DHX40: variants seen among roughly 807,000 people sequenced by gnomAD.
The protein encoded by DHX40 is probable ATP-dependent RNA helicase DHX40.
Under a neutral mutation model 89.6 loss-of-function variants are expected in DHX40, and 28 were observed. The observed-to-expected ratio is 0.31, with a 90% confidence interval of 0.23 to 0.43. DHX40 has a LOEUF of 0.43. Ranked by LOEUF, DHX40 falls within the 20% of genes least tolerant of loss-of-function variation. The pLI is 1.00. For missense variants in DHX40, 457 were observed against 844.0 expected, an observed-to-expected ratio of 0.54 and a Z score of 5.68; for synonymous variants, 226 against 283.6, an observed-to-expected ratio of 0.80 and a Z score of 2.04.
At chr17:59,603,367 G>C (rs2030653596) in intron 15 of DHX40, 1 of 152,184 alleles carries the variant, frequency 6.6e-6, no homozygotes, top group African/African-American at 2.4e-5. Context: ...TAGACATAGT[G>C]CCCAGATCTT....
At position 59,573,913 on chromosome 17, in the gene DHX40, A is replaced by G; in HGVS notation, c.720A>G (p.Lys240=). The G allele has an allele frequency of 6.2e-7, 1 of 1,603,962 alleles. No homozygotes were observed. The highest frequency in any genetic ancestry group is 1.1e-5 in the South Asian group (1 of 90,544). ...IPGRLYPVRE[K]FCNLIGPRDR... The stretch of plus-strand genomic sequence containing the variant: ...GAAGGCTTTATCCAGTCAGAGAGAA[A>G]TTCTGCAATTTGATTGGTCCACGAG... Residue 240 remains lysine, a synonymous_variant, in exon 5 of 18, where the codon AAA becomes AAG. Coordinates refer to ENST00000251241, the MANE Select transcript of DHX40 (RefSeq NM_024612.5).
intron 2 of DHX40, among the ~76,000 whole-genome samples, chr17:59,569,329 A>AAAAT (rs5821271): frequency 0.013 from 1,946 of 146,986 alleles, 32 homozygotes; most frequent in East Asian, 0.048. Context: ...CTCTATCTCA[A>AAAAT]AAATAAATAA....
chr17:59,570,465 A>C (rs1270137175), intron 2 of DHX40, 53 bp from the exon 3 acceptor site: 1 of 1,536,044 alleles, frequency 6.5e-7, no homozygotes, highest in Non-Finnish European at 8.8e-7. Context: ...TTTAGCTCTA[A>C]TAGGAAGACA....
chr17:59,594,507 G>T (rs2049124331), intron 12 of DHX40, among the ~76,000 whole-genome samples: 1 of 151,672 alleles, frequency 6.6e-6, no homozygotes, highest in Non-Finnish European at 1.5e-5. Context: ...GAAGCTTGGG[G>T]TTGGGGAGTT....
At chr17:59,569,700 T>A (rs7212678) in intron 2 of DHX40, among the ~76,000 whole-genome samples, 24,564 of 139,252 alleles carry the variant, frequency 0.18, 3,171 homozygotes, top group East Asian at 0.46. Flanking sequence ...AAGAAAAAAA[T>A]ATATATATAT....
At chr17:59,602,658 T>C (rs1425087352) in intron 15 of DHX40, 42 bp downstream of exon 15, 2 of 1,465,072 alleles carry the variant, frequency 1.4e-6, no homozygotes, top group Admixed American at 3.6e-5. Context: ...GATATAATAC[T>C]GTATTTGACT....
chr17:59,603,248 A>G (rs970941496), intron 15 of DHX40: 3 of 152,204 alleles, frequency 2.0e-5, no homozygotes, highest in Non-Finnish European at 4.4e-5. Flanking sequence ...GGATGCATGG[A>G]TGGACACTGG....
intron 12 of DHX40, among the ~76,000 whole-genome samples, chr17:59,593,832 T>C (rs1352653277): frequency 6.6e-6 from 1 of 151,974 alleles, no homozygotes; most frequent in African/African-American, 2.4e-5. Flanking sequence ...TCGTGGATTC[T>C]TTCTTCTGCC....
intron 7 of DHX40, chr17:59,577,040 T>C: frequency 3.8e-6 from 2 of 528,986 alleles, no homozygotes; most frequent in East Asian, 7.9e-5. Flanking sequence ...CTGCTAATTT[T>C]TTGTATTTTT....
intron 15 of DHX40, chr17:59,604,154 T>C (rs1343005446): frequency 6.6e-6 from 1 of 152,236 alleles, no homozygotes; most frequent in Non-Finnish European, 1.5e-5. Context: ...TCAGTGTTAA[T>C]TTCCTGGTTT....
rs1416320242 is a variant in DHX40 at position 59,605,607 on chromosome 17, C to G, written c.2133C>G (p.Ala711=). The change falls in exon 17 of 18, where the codon GCC becomes GCG. Residue 711 remains alanine, a synonymous_variant. Transcript: ENST00000251241. The part of the protein sequence containing the change: ...EFNAHDLSSV[A]RREVREDARR... ...ATGCACATGATTTGAGCAGTGTGGC[C>G]CGACGTGAAGTGAGAGAAGATGCAA... is the stretch of plus-strand genomic sequence containing the variant. The G allele has an allele frequency of 1.2e-6, 2 of 1,613,744 alleles. No homozygotes were observed. Among genetic ancestry groups the G allele is most frequent in the Non-Finnish European group, 1.7e-6 (2 of 1,179,996 alleles).
chr17:59,571,374 T>A (rs977320370), intron 3 of DHX40, among the ~76,000 whole-genome samples: 2 of 151,336 alleles, frequency 1.3e-5, no homozygotes, highest in Non-Finnish European at 2.9e-5. Context: ...GGAAAATGGC[T>A]TGAACCCGGG....
intron 8 of DHX40, among the ~76,000 whole-genome samples, chr17:59,577,935 T>A (rs1381455939): frequency 6.6e-6 from 1 of 152,228 alleles, no homozygotes; most frequent in Non-Finnish European, 1.5e-5. Context: ...GTAGAGTTAG[T>A]TTGTATATCC....
chr17:59,605,264 C>T, intron 16 of DHX40, 80 bp downstream of exon 16: 2 of 1,438,042 alleles, frequency 1.4e-6, no homozygotes, highest in East Asian at 2.4e-5. Flanking sequence ...TTCTACTTTT[C>T]ACTTTGGAGT....
At chr17:59,566,953 G>A (rs1387552328) in intron 2 of DHX40, among the ~76,000 whole-genome samples, 159 bp downstream of exon 2, 1 of 151,878 alleles carries the variant, frequency 6.6e-6, no homozygotes, top group East Asian at 1.9e-4. Flanking sequence ...CTTCTTTATG[G>A]TCTATTTCAG....
At chr17:59,606,517 C>T (rs182221031) in intron 17 of DHX40, among the ~76,000 whole-genome samples, 26 of 152,180 alleles carry the variant, frequency 1.7e-4, no homozygotes, top group Non-Finnish European at 3.1e-4. Flanking sequence ...GAGACCAAGG[C>T]GGGCGGATCA....
At chr17:59,568,154 G>A (rs1448202664) in intron 2 of DHX40, among the ~76,000 whole-genome samples, 1 of 152,190 alleles carries the variant, frequency 6.6e-6, no homozygotes, top group Non-Finnish European at 1.5e-5. Flanking sequence ...CTTGAACCCA[G>A]GAGGCAGAGG....
intron 2 of DHX40, among the ~76,000 whole-genome samples, chr17:59,570,228 ATTAG>A (rs2048784697): frequency 7.8e-6 from 1 of 127,718 alleles, no homozygotes; most frequent in East Asian, 2.0e-4. Flanking sequence ...TTAAATATAT[ATTAG>A]TATATAATAT....
intron 2 of DHX40, among the ~76,000 whole-genome samples, chr17:59,568,496 A>T (rs968231580): frequency 6.6e-6 from 1 of 152,150 alleles, no homozygotes; most frequent in Non-Finnish European, 1.5e-5. Context: ...ACTGCCAATA[A>T]TACCAAACCC....
Sources: gnomAD v4.1 joint callset for allele counts (sites outside exome capture counted in the v4.1 genomes callset) on GRCh38, gnomAD v4.1.1 for gene constraint, MANE v1.5 for transcripts, NCBI Gene and HGNC (gene_info 2026-07-23, HGNC 2026-07-21) for gene names.